TMEM178B: variants seen among roughly 807,000 people sequenced by gnomAD.
The protein encoded by TMEM178B is transmembrane protein 178B.
TMEM178B carries 5 observed loss-of-function variants against 31.0 expected under a neutral mutation model. The observed-to-expected ratio is 0.16, with a 90% confidence interval of 0.08 to 0.34. The LOEUF (loss-of-function observed/expected upper bound fraction) is 0.34, where lower values mean the gene tolerates loss of function less well. Ranked by LOEUF, TMEM178B falls within the 10% of genes least tolerant of loss-of-function variation. The pLI, the probability that TMEM178B is intolerant of heterozygous loss-of-function variation, is 1.00. For missense variants in TMEM178B, 275 were observed against 400.3 expected, an observed-to-expected ratio of 0.69 and a Z score of 2.67; for synonymous variants, 164 against 164.0, an observed-to-expected ratio of 1.00 and a Z score of 0.00.
intron 1 of TMEM178B, among the ~76,000 whole-genome samples, chr7:141,168,279 A>G (rs1366876273): frequency 2.0e-5 from 3 of 152,038 alleles, no homozygotes; most frequent in African/African-American, 7.2e-5. Flanking sequence ...TCTTCTGGTG[A>G]CCTTCAATTT....
At chr7:141,501,310 A>G in the TMEM178B span, among the ~76,000 whole-genome samples, 1 of 151,544 alleles carries the variant, frequency 6.6e-6, no homozygotes. Context: ...TCTTAAATTT[A>G]TTAGGAGAAA....
At chr7:141,497,272 G>T in the TMEM178B span, among the ~76,000 whole-genome samples, 7 of 152,186 alleles carry the variant, frequency 4.6e-5, no homozygotes, top group Non-Finnish European at 1.0e-4. Flanking sequence ...ATTCTATGCT[G>T]AGAGGCCAGA....
chr7:141,193,125 C>T (rs886523306), intron 1 of TMEM178B, among the ~76,000 whole-genome samples: 8 of 152,288 alleles, frequency 5.3e-5, no homozygotes, highest in African/African-American at 7.2e-5. Flanking sequence ...TCCTATGAGG[C>T]GGTGGCCCTA....
intron 2 of TMEM178B, among the ~76,000 whole-genome samples, chr7:141,357,981 C>T (rs1391310924): frequency 6.6e-6 from 1 of 152,172 alleles, no homozygotes; most frequent in African/African-American, 2.4e-5. Context: ...TGTCTTTGTA[C>T]AGCAGCTCAT....
chr7:141,263,282 A>G (rs1283444774), intron 2 of TMEM178B, among the ~76,000 whole-genome samples: 2 of 152,080 alleles, frequency 1.3e-5, no homozygotes, highest in Non-Finnish European at 1.5e-5. Flanking sequence ...TCTTCTGCCT[A>G]TATAATTTCT....
chr7:141,442,632 T>G (rs939303499), intron 3 of TMEM178B, among the ~76,000 whole-genome samples: 7 of 152,348 alleles, frequency 4.6e-5, no homozygotes, highest in Non-Finnish European at 8.8e-5. Context: ...GTGATCTGAC[T>G]GCTTTGCACA....
intron 3 of TMEM178B, among the ~76,000 whole-genome samples, chr7:141,464,916 T>C (rs1468505421): frequency 6.6e-6 from 1 of 152,012 alleles, no homozygotes; most frequent in African/African-American, 2.4e-5. Context: ...AAAGGAAGGG[T>C]TGGGGGCAGA....
chr7:141,392,472 A>G (rs1563169663), intron 2 of TMEM178B, among the ~76,000 whole-genome samples: 2 of 152,172 alleles, frequency 1.3e-5, no homozygotes, highest in Non-Finnish European at 2.9e-5. Flanking sequence ...ATTTTCAGTC[A>G]TCCACTTCAG....
chr7:141,176,504 T>C (rs1429118499), intron 1 of TMEM178B, among the ~76,000 whole-genome samples: 2 of 152,226 alleles, frequency 1.3e-5, no homozygotes, highest in Non-Finnish European at 2.9e-5. Context: ...CCTCTTTTTC[T>C]ATTATTTGGA....
At chr7:141,301,270 C>T (rs1188865125) in intron 2 of TMEM178B, among the ~76,000 whole-genome samples, 3 of 152,154 alleles carry the variant, frequency 2.0e-5, no homozygotes, top group African/African-American at 7.2e-5. Context: ...TGTGGGTATC[C>T]TCTGGTGGCT....
intron 2 of TMEM178B, among the ~76,000 whole-genome samples, chr7:141,258,161 C>T (rs1797957531): frequency 6.8e-6 from 1 of 146,804 alleles, no homozygotes. Context: ...ATTATTATCT[C>T]ATATATATAT....
chr7:141,299,326 G>A (rs1236955942), intron 2 of TMEM178B, among the ~76,000 whole-genome samples: 5 of 152,114 alleles, frequency 3.3e-5, no homozygotes, highest in East Asian at 1.9e-4. Context: ...ATAGGCATGC[G>A]CCACCACACT....
intron 2 of TMEM178B, among the ~76,000 whole-genome samples, chr7:141,371,068 A>G (rs956701362): frequency 6.6e-6 from 1 of 152,240 alleles, no homozygotes; most frequent in African/African-American, 2.4e-5. Context: ...TCTCCCATGT[A>G]GGCAGATCTA....
the TMEM178B span, among the ~76,000 whole-genome samples, chr7:141,499,073 T>G: frequency 6.6e-6 from 1 of 152,190 alleles, no homozygotes; most frequent in Non-Finnish European, 1.5e-5. Context: ...GCACCATACT[T>G]GCCTTGTTTC....
At chr7:141,225,887 A>ATCATCCAG (rs1455682299) in intron 2 of TMEM178B, among the ~76,000 whole-genome samples, 3 of 152,146 alleles carry the variant, frequency 2.0e-5, no homozygotes, top group Non-Finnish European at 4.4e-5. Flanking sequence ...TGGTGCTGGG[A>ATCATCCAG]TCATCCAGTC....
chr7:141,160,901 A>G (rs1026940707), intron 1 of TMEM178B, among the ~76,000 whole-genome samples: 5 of 152,150 alleles, frequency 3.3e-5, no homozygotes, highest in Non-Finnish European at 5.9e-5. Flanking sequence ...CTTGTTGCCC[A>G]GGACGGAGTG....
At chr7:141,404,633 C>T (rs1055636673) in intron 2 of TMEM178B, among the ~76,000 whole-genome samples, 1 of 152,150 alleles carries the variant, frequency 6.6e-6, no homozygotes, top group East Asian at 1.9e-4. Context: ...CGACTTATCT[C>T]GAGATCCTCC....
intron 1 of TMEM178B, among the ~76,000 whole-genome samples, chr7:141,201,312 A>G (rs1441080951): frequency 6.6e-6 from 1 of 152,166 alleles, no homozygotes; most frequent in Non-Finnish European, 1.5e-5. Flanking sequence ...GACTGTGCTC[A>G]GTGCTCCGTG....
chr7:141,331,338 G>A (rs1586896201), intron 2 of TMEM178B, among the ~76,000 whole-genome samples: 1 of 152,318 alleles, frequency 6.6e-6, no homozygotes, highest in African/African-American at 2.4e-5. Flanking sequence ...TCAGGGACGA[G>A]CAGCAAAGTA....
Sources: allele counts gnomAD v4.1 joint callset (sites outside exome capture counted in the v4.1 genomes callset), GRCh38; gene constraint gnomAD v4.1.1; transcripts MANE v1.5; gene names NCBI Gene and HGNC (gene_info 2026-07-23, HGNC 2026-07-21).